Variants in NWD1 observed in about 807,000 individuals in gnomAD.
NWD1 encodes the protein NACHT domain- and WD repeat-containing protein 1.
In NWD1, 129 loss-of-function variants were observed where a neutral mutation model predicts 135.1. The observed-to-expected ratio is 0.96, with a 90% CI of 0.83 to 1.11. The LOEUF is 1.11. Among genes scored for constraint, NWD1 ranks in the 50% least tolerant of loss-of-function variants. The pLI, the probability that NWD1 is intolerant of heterozygous loss-of-function variation, is 0.00. For missense variants in NWD1, 1,740 were observed against 1,851.3 expected, an observed-to-expected ratio of 0.94 and a Z score of 1.10; for synonymous variants, 773 against 786.0, an observed-to-expected ratio of 0.98 and a Z score of 0.28.
chr19:16,754,790 T>TCATCCATCCATCCATC (rs112223594), intron 6 of NWD1, among the ~76,000 whole-genome samples: 5 of 145,372 alleles, frequency 3.4e-5, no homozygotes, highest in African/African-American at 1.3e-4. Context: ...ATCATCTCTA[T>TCATCCATCCATCCATC]CATCCATCCA....
At chr19:16,793,117 C>T (rs1333396457) in intron 14 of NWD1, among the ~76,000 whole-genome samples, 1 of 151,698 alleles carries the variant, frequency 6.6e-6, no homozygotes, top group Non-Finnish European at 1.5e-5. Flanking sequence ...CAAAGCTCCA[C>T]ATTTCTGAAC....
intron 17 of NWD1, among the ~76,000 whole-genome samples, chr19:16,807,284 G>A (rs1970777370): frequency 6.6e-6 from 1 of 151,320 alleles, no homozygotes; most frequent in Non-Finnish European, 1.5e-5. Flanking sequence ...ACCTGAGGTT[G>A]GGAGTTAGAG....
chr19:16,799,409 T>C (rs1970524958), intron 16 of NWD1, among the ~76,000 whole-genome samples: 1 of 152,070 alleles, frequency 6.6e-6, no homozygotes, highest in African/African-American at 2.4e-5. Flanking sequence ...TTGGCCAGGA[T>C]GGTCTTGATC....
rs939956452 is a variant in NWD1 at position 16,740,510 on chromosome 19, A to G, written c.198+3760A>G. Among the ~76,000 whole-genome samples the G allele has an allele frequency of 8.3e-4, 126 of 151,502 alleles. 1 individual carries two copies. Among genetic ancestry groups the G allele is most frequent in the Admixed American group, 8.3e-3 (126 of 15,176 alleles). On this transcript the variant is annotated intron_variant, in intron 4 of 18. Transcript: ENST00000524140. ...ACTACCACACCTGGCTAATTTTTTT[A>G]TATTTTTAGTAGAGACAGGGTTTCG...
rs564519901 is a variant in NWD1, at chr19:16,797,877, G to A, written c.3450G>A (p.Ala1150=). 9.3e-6 allele frequency: 15 copies of A among 1,613,094 alleles called. No individual in the cohort carries two copies. The highest frequency in any genetic ancestry group is 5.0e-5 in the Admixed American group (3 of 59,932). The change falls in exon 16 of 19, where the codon GCG becomes GCA. Residue 1150 remains alanine (A), a synonymous_variant. Coordinates refer to ENST00000524140, the MANE Select transcript of NWD1 (RefSeq NM_001007525.5). ...TGATCATCACGGGGTCCCTTGATGC[G>A]CTCATTCAGGTGAGGGGAGATCTGG... The part of the protein sequence containing the change: ...NNLIITGSLD[A]LIQVWSLSEQ...
In NWD1 at chr19:16,731,256, A is replaced by G. The variant is rs547758581; in HGVS notation, c.59A>G (p.Gln20Arg). 51 of 1,533,388 alleles carry G rather than the reference A, an allele frequency of 3.3e-5. No homozygotes were observed. The Admixed American group carries it at 7.1e-4, about 21-fold the overall frequency. 95.0% of individuals were successfully genotyped at this position (1,533,388 alleles called of 1,614,324 possible). ...ACCCTGAAGTGCCAGACCTTCTGCC[A>G]GAGGCACGGCTTGATGTTTGAGGTA... ...LPTLKCQTFC[Q>R]RHGLMFEVVD... Residue 20 changes from glutamine (Q) to arginine (R), a missense_variant, in exon 3 of 19, where the codon CAG (glutamine) becomes CGG (arginine). By Grantham distance (43) the Gln-to-Arg change is conservative. Coordinates refer to ENST00000524140, the MANE Select transcript of NWD1 (RefSeq NM_001007525.5).
At chr19:16,759,949 G>A (rs1389152552) in intron 7 of NWD1, among the ~76,000 whole-genome samples, 5 of 151,976 alleles carry the variant, frequency 3.3e-5, no homozygotes, top group South Asian at 2.1e-4. Context: ...AGCCAAGATC[G>A]CACCACTGTA....
intron 7 of NWD1, 41 bp downstream of exon 7, chr19:16,759,469 G>T: frequency 6.8e-7 from 1 of 1,466,584 alleles, no homozygotes; most frequent in South Asian, 1.2e-5. Context: ...GTCTGGGTGG[G>T]ACCCCAAGAA....
intron 5 of NWD1, among the ~76,000 whole-genome samples, chr19:16,745,382 C>G (rs1460485667): frequency 6.6e-6 from 1 of 151,950 alleles, no homozygotes; most frequent in African/African-American, 2.4e-5. Flanking sequence ...GGGCGACTAC[C>G]ATCCCAGTTT....
At chr19:16,730,472 G>C (rs75852123) in intron 2 of NWD1, among the ~76,000 whole-genome samples, 1,787 of 152,208 alleles carry the variant, frequency 0.012, 20 homozygotes, top group Non-Finnish European at 0.02. Context: ...CCAGTGCTTT[G>C]AGAGGCCAAA....
intron 7 of NWD1, among the ~76,000 whole-genome samples, chr19:16,761,175 T>C (rs910892705): frequency 1.3e-5 from 2 of 152,214 alleles, no homozygotes; most frequent in Non-Finnish European, 2.9e-5. Flanking sequence ...CTCATCCACA[T>C]TGTAGCAGGG....
chr19:16,769,205 TA>T (rs1694681124), intron 10 of NWD1, among the ~76,000 whole-genome samples: 1 of 152,104 alleles, frequency 6.6e-6, no homozygotes, highest in African/African-American at 2.4e-5. Flanking sequence ...CTCATGCCTA[TA>T]ATCCCAGCAC....
chr19:16,799,656 A>G (rs1970533356), intron 16 of NWD1, among the ~76,000 whole-genome samples: 1 of 151,378 alleles, frequency 6.6e-6, no homozygotes, highest in African/African-American at 2.4e-5. Flanking sequence ...ACAGGCATGC[A>G]CCACCAAGCC....
Position 16,744,528 on chromosome 19 carries a change from G to A in NWD1, c.306G>A (p.Glu102=), listed in dbSNP as rs760404247. ...DHLTARPSDL[E]LVARYFQRDE... ...TGACTGCCAGGCCAAGTGACCTGGA[G>A]CTGGTGGCACGATACTTCCAGAGGG... Residue 102 remains glutamate (E), a synonymous_variant, in exon 5 of 19, where the codon GAG becomes GAA. Transcript: ENST00000524140. The A allele has an allele frequency of 2.8e-5, 43 of 1,536,070 alleles. No individual in the cohort carries two copies. In the South Asian group the frequency reaches 5.0e-4, roughly 18 times the overall value.
chr19:16,735,012 C>T (rs1967734485), intron 3 of NWD1, among the ~76,000 whole-genome samples: 1 of 152,132 alleles, frequency 6.6e-6, no homozygotes, highest in South Asian at 2.1e-4. Context: ...AATCCTCATG[C>T]TTCAGCCTCC....
intron 3 of NWD1, among the ~76,000 whole-genome samples, chr19:16,731,880 C>T (rs2122703094): frequency 6.6e-6 from 1 of 152,102 alleles, no homozygotes; most frequent in African/African-American, 2.4e-5. Flanking sequence ...TGTAGTTGGT[C>T]CTGGAGATCT....
chr19:16,761,872 T>G, intron 7 of NWD1, 107 bp from the exon 8 acceptor site: 4 of 779,706 alleles, frequency 5.1e-6, no homozygotes, highest in East Asian at 2.6e-5. Flanking sequence ...GTCAACAGAG[T>G]GGTTTAGGAT....
intron 4 of NWD1, among the ~76,000 whole-genome samples, chr19:16,738,733 TATATAATATATATATTATATATATATA>T (rs1967944233): frequency 7.1e-6 from 1 of 141,602 alleles, no homozygotes; most frequent in African/African-American, 2.7e-5. Context: ...ATATAATCTA[TATATAATATATATATTATATATATATA>T]ATATAATGAT....
rs922130587 is a variant in NWD1 at position 16,800,661 on chromosome 19, C to T, written c.3736+499C>T. On this transcript the variant is annotated intron_variant, in intron 17 of 18. Coordinates refer to ENST00000524140, the MANE Select transcript of NWD1 (RefSeq NM_001007525.5). ...GCAGATCTCGTGTCTGGTGAGGACCCGTTTCCTGGTTCACAGATGGCCATC... is the reference window on the plus strand; with the variant it reads ...GCAGATCTCGTGTCTGGTGAGGACCTGTTTCCTGGTTCACAGATGGCCATC... 9.2e-5 allele frequency among the ~76,000 whole-genome samples: 14 copies of T among 152,174 alleles called. 1 individual carries two copies. In the South Asian group the frequency reaches 2.5e-3, roughly 27 times the overall value.
Sources: gnomAD v4.1 joint callset for allele counts (sites outside exome capture counted in the v4.1 genomes callset) on GRCh38, gnomAD v4.1.1 for gene constraint, MANE v1.5 for transcripts, NCBI Gene and HGNC (gene_info 2026-07-23, HGNC 2026-07-21) for gene names.